Variants in TCF4 observed in about 807,000 individuals in gnomAD.
TCF4 encodes the protein transcription factor 4.
In TCF4, 3 loss-of-function variants were observed where a neutral mutation model predicts 82.1. The observed-to-expected ratio is 0.04, with a 90% CI of 0.02 to 0.09. The LOEUF is 0.09. Among genes scored for constraint, TCF4 ranks in the 10% least tolerant of loss-of-function variants. The pLI is 1.00. For synonymous variants in TCF4, 276 were observed against 309.6 expected (o/e 0.89, Z 1.14); for missense variants, 518 against 852.7 (o/e 0.61, Z 4.89).
chr18:55,446,741 T>C (rs890215097), intron 5 of TCF4, among the ~76,000 whole-genome samples: 6 of 151,894 alleles, frequency 4.0e-5, no homozygotes, highest in Non-Finnish European at 8.8e-5. Flanking sequence ...TCCCAGTACT[T>C]TGGGAGGCCG....
chr18:55,280,071 T>C (rs1162160227), intron 8 of TCF4, among the ~76,000 whole-genome samples: 1 of 152,182 alleles, frequency 6.6e-6, no homozygotes, highest in East Asian at 1.9e-4. Flanking sequence ...AACTCTACCT[T>C]TCAATTAAAA....
intron 6 of TCF4, among the ~76,000 whole-genome samples, chr18:55,399,853 A>ATCTCTCTCTCTCTCTCTCTCTCTC (rs35948563): frequency 3.6e-5 from 3 of 83,792 alleles, no homozygotes; most frequent in Non-Finnish European, 4.7e-5. Context: ...CTCTCTCCCC[A>ATCTCTCTCTCTCTCTCTCTCTCTC]TCTCTCTCTC....
At chr18:55,363,524 C>T (rs991594763) in intron 6 of TCF4, among the ~76,000 whole-genome samples, 1 of 152,178 alleles carries the variant, frequency 6.6e-6, no homozygotes, top group Admixed American at 6.6e-5. Context: ...CATTACCCAG[C>T]TGGGCGTAGT....
At chr18:55,240,389 C>T (rs1466844159) in intron 15 of TCF4, among the ~76,000 whole-genome samples, 1 of 152,176 alleles carries the variant, frequency 6.6e-6, no homozygotes, top group African/African-American at 2.4e-5. Flanking sequence ...ACTGTAATCT[C>T]CCCATGAAAT....
At chr18:55,369,250 T>C (rs2088195604) in intron 6 of TCF4, among the ~76,000 whole-genome samples, 1 of 152,200 alleles carries the variant, frequency 6.6e-6, no homozygotes, top group South Asian at 2.1e-4. Context: ...AGATTAAGAC[T>C]CAAACTGTCT....
intron 3 of TCF4, among the ~76,000 whole-genome samples, chr18:55,533,132 A>AAT (rs2097083107): frequency 6.6e-6 from 1 of 152,188 alleles, no homozygotes; most frequent in Non-Finnish European, 1.5e-5. Flanking sequence ...AACTATCCTT[A>AAT]ATATACTTCA....
chr18:55,291,040 T>C (rs897491605), intron 8 of TCF4, among the ~76,000 whole-genome samples: 1 of 152,188 alleles, frequency 6.6e-6, no homozygotes, highest in African/African-American at 2.4e-5. Flanking sequence ...TCTTCTTTAA[T>C]CATCATTTTG....
chr18:55,487,423 G>A (rs1044074009), intron 3 of TCF4, among the ~76,000 whole-genome samples: 1 of 152,162 alleles, frequency 6.6e-6, no homozygotes, highest in Admixed American at 6.5e-5. Context: ...CTATGAACCA[G>A]GGTTGACACC....
At chr18:55,632,102 G>A (rs1013576107) in intron 1 of TCF4, among the ~76,000 whole-genome samples, 14 of 152,104 alleles carry the variant, frequency 9.2e-5, no homozygotes, top group South Asian at 2.1e-4. Flanking sequence ...GCAGTGGCAC[G>A]ATCTCGGCTT....
chr18:55,635,923 T>C (rs779829061), exon 1 of TCF4: 1 of 1,576,466 alleles, frequency 6.3e-7, no homozygotes, highest in Non-Finnish European at 8.6e-7. Flanking sequence ...GCCGCATAAG[T>C]GCCAATCTAC....
At position 55,225,752 on chromosome 18, in the gene TCF4, T is replaced by C. The variant is rs1293181614; in HGVS notation, c.*2283A>G. 6.6e-6 allele frequency: 1 copy of C among 152,590 alleles called. No homozygotes were observed. The highest frequency in any genetic ancestry group is 6.5e-5 in the Admixed American group (1 of 15,274). The allele number at this position is 152,590 out of a possible 1,614,324, so 9.5% of individuals were successfully genotyped here. On this transcript the variant is annotated 3_prime_UTR_variant, in exon 20 of 20. Transcript: ENST00000354452. ...AGGAAAGCCCCAAAATAACTTTTCA[T>C]GAAGTTTGATTTCTGCTATTCTCCT...
chr18:55,511,926 A>G (rs2096832700), intron 3 of TCF4, among the ~76,000 whole-genome samples: 1 of 149,484 alleles, frequency 6.7e-6, no homozygotes, highest in East Asian at 2.0e-4. Context: ...AAAGCACTAG[A>G]TTTGGAGCTA....
chr18:55,302,399 G>A (rs1290934855), intron 8 of TCF4: 1 of 1,536,190 alleles, frequency 6.5e-7, no homozygotes, highest in Middle Eastern at 1.7e-4. Flanking sequence ...ACCACTTTGG[G>A]GAGACTCTGA....
chr18:55,406,721 C>T (rs1362841897), intron 5 of TCF4, among the ~76,000 whole-genome samples: 1 of 152,182 alleles, frequency 6.6e-6, no homozygotes, highest in African/African-American at 2.4e-5. Context: ...CTCCTTTCTC[C>T]ATTCTTCACC....
intron 3 of TCF4, among the ~76,000 whole-genome samples, chr18:55,516,465 A>T (rs2096882755): frequency 1.3e-5 from 2 of 152,006 alleles, no homozygotes; most frequent in South Asian, 4.1e-4. Flanking sequence ...AGACTGAGAG[A>T]ACGAGAGAAA....
In TCF4 at chr18:55,588,041, C is replaced by G. The variant is rs1344379474; in HGVS notation, c.-24G>C. ...CCCCGCAGGCGCCGGTACCTACCGCCCGCGCGCGAGAAGGGGCTCTCCGTG... is the reference window on the plus strand; with the variant it reads ...CCCCGCAGGCGCCGGTACCTACCGCGCGCGCGCGAGAAGGGGCTCTCCGTG... On this transcript the variant is annotated 5_prime_UTR_variant, in exon 1 of 20. Coordinates refer to ENST00000354452, the MANE Select transcript of TCF4 (RefSeq NM_001083962.2). The G allele has an allele frequency of 1.0e-6, 1 of 982,872 alleles. No homozygotes were observed. The highest frequency in any genetic ancestry group is 1.2e-6 in the Non-Finnish European group (1 of 829,046). 60.9% of individuals were successfully genotyped at this position (982,872 alleles called of 1,614,324 possible).
At chr18:55,581,606 A>T (rs542204128) in intron 3 of TCF4, among the ~76,000 whole-genome samples, 15 of 152,034 alleles carry the variant, frequency 9.9e-5, no homozygotes, top group African/African-American at 3.4e-4. Context: ...TTTTTTTTTC[A>T]TGCCATCACT....
chr18:55,347,082 C>T (rs1468657245), intron 8 of TCF4, among the ~76,000 whole-genome samples: 4 of 151,940 alleles, frequency 2.6e-5, no homozygotes, highest in Non-Finnish European at 4.4e-5. Flanking sequence ...AAATGGAAAA[C>T]CAAAATGTAG....
chr18:55,393,183 G>C (rs1301454880), intron 6 of TCF4, among the ~76,000 whole-genome samples: 1 of 152,092 alleles, frequency 6.6e-6, no homozygotes, highest in Non-Finnish European at 1.5e-5. Context: ...GGACAACAAC[G>C]TGAGACCCTG....
Sources: allele counts gnomAD v4.1 joint callset (sites outside exome capture counted in the v4.1 genomes callset), GRCh38; gene constraint gnomAD v4.1.1; transcripts MANE v1.5; gene names NCBI Gene and HGNC (gene_info 2026-07-23, HGNC 2026-07-21).